The following CEP128 variants were observed in gnomAD, a reference collection of about 807,000 sequenced individuals.
The protein encoded by CEP128 is centrosomal protein 128kDa.
In CEP128, 132 loss-of-function variants were observed where a neutral mutation model predicts 156.7. The ratio of observed to expected loss-of-function variants is 0.84; its 90% confidence interval spans 0.73 to 0.97. CEP128 has a LOEUF of 0.97. CEP128 is among the 50% of genes least tolerant of loss of function. The pLI is 0.00. For synonymous variants in CEP128, 469 were observed against 448.9 expected (o/e 1.04, Z -0.57); for missense variants, 1,252 against 1,281.9 (o/e 0.98, Z 0.36).
In CEP128 at chr14:80,814,037, C is replaced by T. The variant is rs996410334; in HGVS notation, c.1209+17106G>A. Among the ~76,000 whole-genome samples, 4 of 152,268 alleles carry T rather than the reference C, an allele frequency of 2.6e-5. No individual in the cohort carries two copies. In the East Asian group the frequency reaches 7.7e-4, roughly 29 times the overall value. On this transcript the variant is annotated intron_variant, in intron 13 of 24. Transcript: ENST00000555265. Reference sequence around the variant, plus strand: ...CACTTTGAAATATGTTTCTATTCTTCTTGTTTCCAATTTGATCTTTTAAGG... The same window carrying T: ...CACTTTGAAATATGTTTCTATTCTTTTTGTTTCCAATTTGATCTTTTAAGG...
At chr14:80,659,504 C>T (rs967551440) in intron 19 of CEP128, among the ~76,000 whole-genome samples, 27 of 152,250 alleles carry the variant, frequency 1.8e-4, no homozygotes, top group African/African-American at 5.3e-4. Flanking sequence ...AGCATTAATG[C>T]CATCATTTAT....
intron 19 of CEP128, among the ~76,000 whole-genome samples, chr14:80,719,358 G>C (rs8022894): frequency 0.37 from 56,001 of 152,114 alleles, 12,639 homozygotes; most frequent in Non-Finnish European, 0.5. Flanking sequence ...TTTAATAAAA[G>C]ACTGCTAACA....
chr14:80,617,529 C>T (rs1893276122), intron 19 of CEP128, among the ~76,000 whole-genome samples: 1 of 152,018 alleles, frequency 6.6e-6, no homozygotes, highest in South Asian at 2.1e-4. Context: ...GCCACCGCGC[C>T]CGGCCGTGAA....
rs986865427 is a variant in CEP128 at position 80,870,018 on chromosome 14, A to G, written c.646-7145T>C. 3.3e-5 allele frequency among the ~76,000 whole-genome samples: 5 copies of G among 152,074 alleles called. No individual in the cohort carries two copies. In the South Asian group the frequency reaches 8.3e-4, roughly 25 times the overall value. ...ACCTAGGAGAAATGGGTAAATTCCTAAAAACCTACAACTTACCAAGACTGA... is the reference window on the plus strand; with the variant it reads ...ACCTAGGAGAAATGGGTAAATTCCTGAAAACCTACAACTTACCAAGACTGA... On this transcript the variant is annotated intron_variant, in intron 8 of 24. Transcript: ENST00000555265.
At chr14:80,723,269 C>T (rs1897895006) in intron 19 of CEP128, among the ~76,000 whole-genome samples, 1 of 152,118 alleles carries the variant, frequency 6.6e-6, no homozygotes, top group African/African-American at 2.4e-5. Flanking sequence ...TTAAGGTAAT[C>T]ACTATTTGAT....
At chr14:80,655,634 G>A (rs1895097889) in intron 19 of CEP128, among the ~76,000 whole-genome samples, 1 of 152,166 alleles carries the variant, frequency 6.6e-6, no homozygotes, top group Admixed American at 6.6e-5. Flanking sequence ...ACAGCTGACT[G>A]AAGCTGAGTT....
At chr14:80,834,639 A>G (rs2140058902) in intron 12 of CEP128, among the ~76,000 whole-genome samples, 1 of 152,322 alleles carries the variant, frequency 6.6e-6, no homozygotes, top group East Asian at 1.9e-4. Flanking sequence ...GAAAAGCTCA[A>G]TATTTTTAGT....
In CEP128 at chr14:80,562,256, A is replaced by C. The variant is rs182974039; in HGVS notation, c.2857-2954T>G. On this transcript the variant is annotated intron_variant, in intron 20 of 24. Transcript: ENST00000555265. ...GTTTGCCTATAACCTACTCTATTCCAAAATGGTACTGAGACAGCTTTCAAT... is the reference window on the plus strand; with the variant it reads ...GTTTGCCTATAACCTACTCTATTCCCAAATGGTACTGAGACAGCTTTCAAT... Among the ~76,000 whole-genome samples the C allele has an allele frequency of 5.6e-3, 856 of 152,264 alleles. 11 individuals are homozygous for C. The highest frequency in any genetic ancestry group is 0.02 in the African/African-American group (817 of 41,556).
intron 3 of CEP128, among the ~76,000 whole-genome samples, chr14:80,915,236 T>G (rs1408163550): frequency 6.6e-6 from 1 of 152,074 alleles, no homozygotes. Flanking sequence ...TTGCCTGGGC[T>G]GGTCTCAAAC....
chr14:80,925,876 CAGG>C (rs1245487474), intron 2 of CEP128, among the ~76,000 whole-genome samples: 4 of 152,128 alleles, frequency 2.6e-5, no homozygotes, highest in African/African-American at 4.8e-5. Context: ...CCGAGCAATC[CAGG>C]CCACAGGGGA....
chr14:80,856,680 T>C (rs1887180289), intron 9 of CEP128, among the ~76,000 whole-genome samples: 1 of 148,302 alleles, frequency 6.7e-6, no homozygotes, highest in Admixed American at 6.8e-5. Context: ...TGTGTGTGCG[T>C]GTGTGTGTGT....
intron 10 of CEP128, among the ~76,000 whole-genome samples, chr14:80,840,164 G>C (rs1595481904): frequency 6.6e-6 from 1 of 152,200 alleles, no homozygotes; most frequent in East Asian, 1.9e-4. Flanking sequence ...GCAAATTAAG[G>C]AAGAGTTGTT....
intron 9 of CEP128, 148 bp from the exon 10 acceptor site, chr14:80,840,916 T>G: frequency 1.8e-6 from 1 of 562,186 alleles, no homozygotes; most frequent in South Asian, 2.4e-5. Context: ...TAAGAACACT[T>G]CAGTGGGGAT....
chr14:80,525,691 T>TA (rs1888943728), intron 23 of CEP128, among the ~76,000 whole-genome samples: 3 of 152,090 alleles, frequency 2.0e-5, no homozygotes, highest in African/African-American at 7.2e-5. Flanking sequence ...AAAACAAAGG[T>TA]AAAAAGGAAC....
At chr14:80,619,253 T>C (rs1893359944) in intron 19 of CEP128, among the ~76,000 whole-genome samples, 1 of 152,046 alleles carries the variant, frequency 6.6e-6, no homozygotes, top group South Asian at 2.1e-4. Flanking sequence ...CTCAAGGAAA[T>C]GTTTATGAGC....
chr14:80,729,050 C>T (rs1284006918), intron 19 of CEP128, among the ~76,000 whole-genome samples: 3 of 101,352 alleles, frequency 3.0e-5, no homozygotes, highest in African/African-American at 1.1e-4. Flanking sequence ...CCAGGCTGGG[C>T]TGGTGGGGGT....
intron 19 of CEP128, among the ~76,000 whole-genome samples, chr14:80,690,978 A>G (rs2139307447): frequency 6.6e-6 from 1 of 152,324 alleles, no homozygotes; most frequent in East Asian, 1.9e-4. Context: ...TAAAATGACA[A>G]TATTGTAATG....
At chr14:80,569,811 C>A (rs1891062597) in intron 20 of CEP128, among the ~76,000 whole-genome samples, 1 of 151,940 alleles carries the variant, frequency 6.6e-6, no homozygotes, top group Non-Finnish European at 1.5e-5. Context: ...TATTGCATAA[C>A]ATAAAAATAC....
chr14:80,664,297 G>A (rs1895524038), intron 19 of CEP128, among the ~76,000 whole-genome samples: 2 of 152,116 alleles, frequency 1.3e-5, no homozygotes, highest in African/African-American at 2.4e-5. Context: ...CAGAGTTCAG[G>A]TCAAACTCAA....
Sources: gnomAD v4.1 joint callset for allele counts (sites outside exome capture counted in the v4.1 genomes callset) on GRCh38, gnomAD v4.1.1 for gene constraint, MANE v1.5 for transcripts, NCBI Gene and HGNC (gene_info 2026-07-23, HGNC 2026-07-21) for gene names.